ZFP1: variants seen among roughly 807,000 people sequenced by gnomAD.
The protein encoded by ZFP1 is ZFP1 zinc finger protein, also known as zinc finger protein 1 homolog.
In ZFP1, 32 loss-of-function variants were observed where a neutral mutation model predicts 38.5. The observed-to-expected ratio is 0.83, with a 90% CI of 0.63 to 1.12. ZFP1 has a LOEUF of 1.12. Among genes scored for constraint, ZFP1 ranks in the 50% most tolerant of loss-of-function variants. The pLI, the probability that ZFP1 is intolerant of heterozygous loss-of-function variation, is 0.00. For synonymous variants in ZFP1, 245 were observed against 168.8 expected, an observed-to-expected ratio of 1.45 and a Z score of -3.50; for missense variants, 616 against 480.8, an observed-to-expected ratio of 1.28 and a Z score of -2.63.
upstream of ZFP1, among the ~76,000 whole-genome samples, chr16:75,147,799 G>A (rs2036973587): frequency 6.6e-6 from 1 of 152,106 alleles, no homozygotes; most frequent in African/African-American, 2.4e-5. Flanking sequence ...GGTGGTCAAG[G>A]GGTACAAAGT....
chr16:75,127,741 A>T, the ZFP1 span: 1 of 152,216 alleles, frequency 6.6e-6, no homozygotes, highest in African/African-American at 2.4e-5. Context: ...CAGAACAGGA[A>T]TTAACTGCAT....
chr16:75,159,458 G>A (rs923819339), intron 2 of ZFP1, among the ~76,000 whole-genome samples: 1 of 140,188 alleles, frequency 7.1e-6, no homozygotes, highest in Non-Finnish European at 1.5e-5. Context: ...CCAGACTGGG[G>A]TACAGTGACA....
the ZFP1 span, among the ~76,000 whole-genome samples, chr16:75,122,116 A>G: frequency 6.6e-6 from 1 of 152,216 alleles, no homozygotes; most frequent in African/African-American, 2.4e-5. Flanking sequence ...GGCAATTTTC[A>G]CTTTCTGCAG....
chr16:75,138,334 C>A, the ZFP1 span, among the ~76,000 whole-genome samples: 2 of 152,170 alleles, frequency 1.3e-5, no homozygotes, highest in African/African-American at 2.4e-5. Flanking sequence ...CGCGCACAGC[C>A]AACTTCCCAC....
the ZFP1 span, among the ~76,000 whole-genome samples, chr16:75,126,692 C>T: frequency 9.8e-5 from 15 of 152,336 alleles, no homozygotes; most frequent in East Asian, 2.7e-3. Context: ...CATGAGCCAG[C>T]ACGCCCAGCC....
In ZFP1 at chr16:75,161,774, ATTTTTT is replaced by A. The variant is rs200925992; in HGVS notation, c.16-4975_16-4970del. Among the ~76,000 whole-genome samples the A allele has an allele frequency of 1.4e-3, 11 of 7,820 alleles. 1 individual carries two copies. The highest frequency in any genetic ancestry group is 4.3e-3 in the African/African-American group (11 of 2,548). The allele number at this position is 7,820 out of a possible 152,430, so 5.1% of individuals were successfully genotyped here. A position where few individuals can be genotyped will look rare whatever the true frequency, so the allele number is the denominator to read the frequency against. On this transcript the variant is annotated intron_variant, in intron 2 of 3. Transcript: ENST00000570010. ...TTTTATGAAATATATATATATATAT[ATTTTTT>A]TTTTTTTTTTTTTTTTTTTTCCTGA...
chr16:75,147,424 C>T (rs1157522751), upstream of ZFP1, among the ~76,000 whole-genome samples: 2 of 151,280 alleles, frequency 1.3e-5, no homozygotes, highest in African/African-American at 2.4e-5. Context: ...ACTACAGGTG[C>T]GTGCCACCAT....
upstream of ZFP1, among the ~76,000 whole-genome samples, chr16:75,147,238 C>A (rs1350912747): frequency 6.6e-6 from 1 of 152,056 alleles, no homozygotes; most frequent in East Asian, 1.9e-4. Flanking sequence ...TGTACAACAT[C>A]AAGTGAACAC....
chr16:75,157,432 C>A (rs958747683), intron 2 of ZFP1, among the ~76,000 whole-genome samples: 1 of 151,714 alleles, frequency 6.6e-6, no homozygotes. Context: ...TTAGTAGAGA[C>A]GGGATTTCAC....
the ZFP1 span, among the ~76,000 whole-genome samples, chr16:75,129,172 TGTTG>T: frequency 6.6e-6 from 1 of 152,148 alleles, no homozygotes; most frequent in South Asian, 2.1e-4. Context: ...TTCTTTTGTT[TGTTG>T]TTGTTCTCCT....
chr16:75,124,205 C>T, the ZFP1 span, among the ~76,000 whole-genome samples: 1 of 150,776 alleles, frequency 6.6e-6, no homozygotes, highest in African/African-American at 2.4e-5. Context: ...CTCTGTTGCC[C>T]AGGCTGGAGT....
chr16:75,119,380 C>A, the ZFP1 span, among the ~76,000 whole-genome samples: 1 of 151,600 alleles, frequency 6.6e-6, no homozygotes, highest in Non-Finnish European at 1.5e-5. Context: ...ATCTAAAGTT[C>A]ATTTTGTTGT....
intron 3 of ZFP1, among the ~76,000 whole-genome samples, chr16:75,167,204 TAGGACGGG>T (rs1171837869): frequency 6.6e-6 from 1 of 152,176 alleles, no homozygotes; most frequent in Non-Finnish European, 1.5e-5. Flanking sequence ...CTAAGGGAGA[TAGGACGGG>T]AGAGAGGGAG....
the ZFP1 span, chr16:75,132,368 C>T: frequency 7.4e-6 from 1 of 134,924 alleles, no homozygotes; most frequent in Non-Finnish European, 1.6e-5. Context: ...CAGAGTGAGA[C>T]CCTGTCTCAA....
intron 2 of ZFP1, among the ~76,000 whole-genome samples, chr16:75,156,778 C>G (rs537551810): frequency 6.6e-6 from 1 of 152,214 alleles, no homozygotes; most frequent in Non-Finnish European, 1.5e-5. Context: ...AAGCAGAACA[C>G]TTCTGTGACA....
At chr16:75,135,326 AAAG>A in the ZFP1 span, among the ~76,000 whole-genome samples, 5 of 152,160 alleles carry the variant, frequency 3.3e-5, no homozygotes, top group Non-Finnish European at 5.9e-5. Flanking sequence ...ACAAAAAGAC[AAAG>A]AAGAACCTTA....
intron 2 of ZFP1, among the ~76,000 whole-genome samples, chr16:75,158,473 G>A (rs1457885898): frequency 6.6e-6 from 1 of 151,846 alleles, no homozygotes; most frequent in Non-Finnish European, 1.5e-5. Context: ...CTCCTGAGTA[G>A]CTGGGACTAC....
Position 75,163,373 on chromosome 16 carries a change from C to T in ZFP1, c.16-3397C>T, listed in dbSNP as rs530143575. 9.2e-5 allele frequency among the ~76,000 whole-genome samples: 14 copies of T among 151,412 alleles called. 1 individual carries two copies. The highest frequency in any genetic ancestry group is 5.3e-4 in the Admixed American group (8 of 15,210). ...AGGCTAGAGTGTAGTAGTGTAGTGGCATGATCTCGCTCACTGCAACTTTTG... is the reference window on the plus strand; with the variant it reads ...AGGCTAGAGTGTAGTAGTGTAGTGGTATGATCTCGCTCACTGCAACTTTTG... On this transcript the variant is annotated intron_variant, in intron 2 of 3. Transcript: ENST00000570010.
chr16:75,153,370 G>A (rs755842187), intron 2 of ZFP1, among the ~76,000 whole-genome samples: 4 of 152,284 alleles, frequency 2.6e-5, no homozygotes, highest in Middle Eastern at 3.4e-3. Flanking sequence ...CAGTAAATAT[G>A]TGGGTTTGTA....
Sources: gnomAD v4.1 joint callset for allele counts (sites outside exome capture counted in the v4.1 genomes callset) on GRCh38, gnomAD v4.1.1 for gene constraint, MANE v1.5 for transcripts, NCBI Gene and HGNC (gene_info 2026-07-23, HGNC 2026-07-21) for gene names.